TMEM38B: variants seen among roughly 807,000 people sequenced by gnomAD.
TMEM38B encodes the protein trimeric intracellular cation channel type B.
Under a neutral mutation model 28.7 loss-of-function variants are expected in TMEM38B, and 24 were observed. The observed-to-expected ratio is 0.84, with a 90% CI of 0.61 to 1.18. The LOEUF (loss-of-function observed/expected upper bound fraction) is 1.18, where lower values mean the gene tolerates loss of function less well. TMEM38B is among the 50% of genes most tolerant of loss of function. TMEM38B has a pLI of 0.00. For missense variants in TMEM38B, 380 were observed against 350.9 expected, an observed-to-expected ratio of 1.08 and a Z score of -0.66; for synonymous variants, 131 against 127.7, an observed-to-expected ratio of 1.03 and a Z score of -0.17.
intron 4 of TMEM38B, among the ~76,000 whole-genome samples, chr9:105,726,938 A>G (rs538144733): frequency 1.8e-4 from 28 of 152,150 alleles, no homozygotes; most frequent in African/African-American, 6.5e-4. Flanking sequence ...CTTATTAGCT[A>G]TACCTCCTTG....
chr9:105,770,503 G>A (rs1183264386), intron 5 of TMEM38B, among the ~76,000 whole-genome samples: 1 of 151,944 alleles, frequency 6.6e-6, no homozygotes, highest in African/African-American at 2.4e-5. Flanking sequence ...CACACTTAAA[G>A]ATATATACCA....
Position 105,694,665 on chromosome 9 carries a change from A to T in TMEM38B, c.5A>T (p.Asp2Val). Residue 2 changes from aspartate to valine, a missense_variant, in exon 1 of 6, where the codon GAT becomes GTT. Transcript: ENST00000374692. The stretch of plus-strand genomic sequence containing the variant: ...TTGCCGCGGTCGGTGGTCGTTATGG[A>T]TTCTCCATGGGACGAGTTGGCTCTG... M[D>V]SPWDELALAF... 6.2e-7 allele frequency: 1 copy of T among 1,613,378 alleles called. No homozygotes were observed. The highest frequency in any genetic ancestry group is 8.5e-7 in the Non-Finnish European group (1 of 1,179,604).
At chr9:105,722,316 G>A (rs930997214) in intron 3 of TMEM38B, among the ~76,000 whole-genome samples, 2 of 152,096 alleles carry the variant, frequency 1.3e-5, no homozygotes, top group African/African-American at 2.4e-5. Flanking sequence ...CTTTGTGCCC[G>A]AGGCCCCAGT....
chr9:105,735,965 C>G (rs912625551), intron 4 of TMEM38B, among the ~76,000 whole-genome samples: 1 of 152,034 alleles, frequency 6.6e-6, no homozygotes, highest in Non-Finnish European at 1.5e-5. Context: ...CTCTTGGGGT[C>G]AAGTGATCTT....
intron 4 of TMEM38B, among the ~76,000 whole-genome samples, chr9:105,737,926 C>T (rs1564403005): frequency 6.6e-6 from 1 of 152,150 alleles, no homozygotes; most frequent in African/African-American, 2.4e-5. Context: ...GATGGAGTGG[C>T]TCCATAGCAG....
chr9:105,729,098 G>A (rs573668675), intron 4 of TMEM38B, among the ~76,000 whole-genome samples: 4 of 152,286 alleles, frequency 2.6e-5, no homozygotes, highest in African/African-American at 9.6e-5. Flanking sequence ...GATCCCATTT[G>A]TCAATTTTGG....
intron 4 of TMEM38B, 142 bp downstream of exon 4, chr9:105,722,763 T>G: frequency 1.7e-6 from 1 of 595,764 alleles, no homozygotes. Flanking sequence ...GGAAGAGAAC[T>G]AGCAAATTTT....
intron 2 of TMEM38B, among the ~76,000 whole-genome samples, chr9:105,717,971 T>G (rs1043411633): frequency 6.6e-6 from 1 of 152,164 alleles, no homozygotes; most frequent in African/African-American, 2.4e-5. Flanking sequence ...TTAAAAAGCA[T>G]GTAATTGAGG....
rs1372527633 is a variant in TMEM38B, at chr9:105,732,442, G to A, written c.542+9821G>A. Among the ~76,000 whole-genome samples, 2 of 152,148 alleles carry A rather than the reference G, an allele frequency of 1.3e-5. 1 individual carries two copies. Among genetic ancestry groups the A allele is most frequent in the East Asian group, 3.9e-4 (2 of 5,182 alleles). Reference sequence around the variant, plus strand: ...TCTTCCAGGGATTTTATGGTTTTAGGTCTAACATTTCAGTCTTTAATCCAT... The same window carrying A: ...TCTTCCAGGGATTTTATGGTTTTAGATCTAACATTTCAGTCTTTAATCCAT... On this transcript the variant is annotated intron_variant, in intron 4 of 5. Coordinates refer to ENST00000374692, the MANE Select transcript of TMEM38B (RefSeq NM_018112.3).
intron 4 of TMEM38B, among the ~76,000 whole-genome samples, chr9:105,733,723 C>G (rs1297619838): frequency 6.6e-6 from 1 of 151,868 alleles, no homozygotes; most frequent in African/African-American, 2.4e-5. Context: ...GGAATTTATT[C>G]ACTTACTCTA....
At chr9:105,713,323 T>A (rs1835977283) in intron 2 of TMEM38B, among the ~76,000 whole-genome samples, 1 of 152,108 alleles carries the variant, frequency 6.6e-6, no homozygotes, top group Non-Finnish European at 1.5e-5. Context: ...ATACCTGCAC[T>A]CTTGTGGGGT....
At chr9:105,707,563 A>T (rs1381727775) in intron 2 of TMEM38B, among the ~76,000 whole-genome samples, 1 of 152,350 alleles carries the variant, frequency 6.6e-6, no homozygotes, top group East Asian at 1.9e-4. Context: ...TACAAATAAT[A>T]GTAGCAATGG....
intron 4 of TMEM38B, among the ~76,000 whole-genome samples, chr9:105,746,268 A>T (rs1302486513): frequency 6.6e-6 from 1 of 152,226 alleles, no homozygotes; most frequent in East Asian, 1.9e-4. Flanking sequence ...AGTGGTTTGT[A>T]GTTCTCCTTG....
chr9:105,700,552 G>T (rs1035061148), intron 1 of TMEM38B, among the ~76,000 whole-genome samples: 3 of 152,120 alleles, frequency 2.0e-5, no homozygotes, highest in African/African-American at 7.2e-5. Flanking sequence ...CCTTATCTTT[G>T]CATGACCATT....
chr9:105,698,577 T>G (rs946051699), intron 1 of TMEM38B, among the ~76,000 whole-genome samples: 1 of 152,154 alleles, frequency 6.6e-6, no homozygotes, highest in Non-Finnish European at 1.5e-5. Flanking sequence ...CTTATATTCT[T>G]GGACTAAACT....
intron 4 of TMEM38B, among the ~76,000 whole-genome samples, chr9:105,726,532 A>G (rs1235107092): frequency 1.3e-5 from 2 of 152,118 alleles, no homozygotes; most frequent in African/African-American, 2.4e-5. Context: ...TAGGGGCAAT[A>G]ATGCACATGG....
chr9:105,754,101 A>G (rs1464418634), intron 5 of TMEM38B, among the ~76,000 whole-genome samples: 1 of 152,214 alleles, frequency 6.6e-6, no homozygotes, highest in Non-Finnish European at 1.5e-5. Flanking sequence ...GATTCTAAAT[A>G]TATATGAACC....
chr9:105,694,746 C>G lies in TMEM38B; in HGVS notation c.86C>G (p.Ser29Ter). The part of the protein sequence containing the change: ...PFFDIAHYLV[S>*]VMAVKRQPGA... The stretch of plus-strand genomic sequence containing the variant: ...TTTGACATCGCGCACTATCTAGTGT[C>G]AGTGATGGCGGTGAAACGTCAGCCG... The change falls in exon 1 of 6, where the codon TCA (serine) becomes TGA (stop). Residue 29 changes from serine (S) to a stop codon, truncating the protein, a stop_gained. Transcript: ENST00000374692. LOFTEE classifies it high-confidence loss of function. The G allele has an allele frequency of 6.2e-7, 1 of 1,603,420 alleles. No homozygotes were observed. The highest frequency in any genetic ancestry group is 1.1e-5 in the South Asian group (1 of 90,856).
At chr9:105,748,544 C>G (rs1037546641) in intron 5 of TMEM38B, among the ~76,000 whole-genome samples, 3 of 152,136 alleles carry the variant, frequency 2.0e-5, no homozygotes, top group African/African-American at 7.2e-5. Context: ...TTCCTTTAAG[C>G]TCTAAAATTT....
Sources: allele counts gnomAD v4.1 joint callset (sites outside exome capture counted in the v4.1 genomes callset), GRCh38; gene constraint gnomAD v4.1.1; transcripts MANE v1.5; gene names NCBI Gene and HGNC (gene_info 2026-07-23, HGNC 2026-07-21).